PIK3CB: variants seen among roughly 807,000 people sequenced by gnomAD.
PIK3CB encodes phosphatidylinositol-4,5-bisphosphate 3-kinase catalytic subunit beta, also known as phosphatidylinositol 4,5-bisphosphate 3-kinase catalytic subunit beta isoform.
PIK3CB carries 39 observed loss-of-function variants against 136.8 expected under a neutral mutation model. That is an observed-to-expected ratio of 0.29 (90% CI 0.22 to 0.37). The LOEUF (loss-of-function observed/expected upper bound fraction) is 0.37, where lower values mean the gene tolerates loss of function less well. Ranked by LOEUF, PIK3CB falls within the 10% of genes least tolerant of loss-of-function variation. The pLI, the probability that PIK3CB is intolerant of heterozygous loss-of-function variation, is 1.00. For missense variants in PIK3CB, 868 were observed against 1,275.4 expected (o/e 0.68, Z 4.87); for synonymous variants, 428 against 436.6 (o/e 0.98, Z 0.25).
At chr3:138,738,219 T>C (rs9832012) in intron 5 of PIK3CB, among the ~76,000 whole-genome samples, 74,088 of 151,742 alleles carry the variant, frequency 0.49, 20,614 homozygotes, top group East Asian at 0.98. Flanking sequence ...TCCCCCAGGC[T>C]GGAGCGCAAT....
At chr3:138,793,856 A>C (rs1429794235) in intron 2 of PIK3CB, among the ~76,000 whole-genome samples, 1 of 152,140 alleles carries the variant, frequency 6.6e-6, no homozygotes, top group African/African-American at 2.4e-5. Context: ...ACCATCTCTT[A>C]AAAAAATTTC....
intron 9 of PIK3CB, among the ~76,000 whole-genome samples, chr3:138,714,150 A>G (rs978588327): frequency 6.6e-6 from 1 of 152,162 alleles, no homozygotes; most frequent in African/African-American, 2.4e-5. Flanking sequence ...AGAACTGTAA[A>G]TTTTTCAAAC....
chr3:138,653,056 CAG>C lies in PIK3CB; in HGVS notation c.*2331_*2332del, dbSNP rs1446261605. 1 of 199,862 alleles carries C rather than the reference CAG, an allele frequency of 5.0e-6. No individual in the cohort carries two copies. Among genetic ancestry groups the C allele is most frequent in the African/African-American group, 2.3e-5 (1 of 43,544 alleles). 12.4% of individuals were successfully genotyped at this position (199,862 alleles called of 1,614,324 possible). ...ACAAACGATGCATAATATGTAAACA[CAG>C]AATACTATAAATCATTGCGGATATA... On this transcript the variant is annotated 3_prime_UTR_variant, in exon 24 of 24. Transcript: ENST00000674063.
rs953710914 is a variant in PIK3CB, at chr3:138,657,932, C to T, written c.2797-97G>A. 8 of 1,139,650 alleles carry T rather than the reference C, an allele frequency of 7.0e-6. 1 individual carries two copies. The Middle Eastern group carries it at 7.0e-4, about 100-fold the overall frequency. 70.6% of individuals were successfully genotyped at this position (1,139,650 alleles called of 1,614,324 possible). The stretch of plus-strand genomic sequence containing the variant: ...AGTCCTAGACCCCCAGGAACTATAC[C>T]CATCCACATCTGAGCCCTTCTCCCT... On this transcript the variant is annotated intron_variant, in intron 21 of 23. Transcript: ENST00000674063.
intron 8 of PIK3CB, among the ~76,000 whole-genome samples, chr3:138,719,675 CAATT>C (rs747674422): frequency 6.6e-6 from 1 of 152,064 alleles, no homozygotes; most frequent in Non-Finnish European, 1.5e-5. Context: ...AACCATACAA[CAATT>C]ATTTTCTCCT....
intron 2 of PIK3CB, chr3:138,777,980 C>T (rs184253788): frequency 9.5e-5 from 37 of 389,478 alleles, no homozygotes; most frequent in African/African-American, 7.1e-4. Context: ...TGATTCTACC[C>T]ATGGCAAATT....
At chr3:138,676,349 AC>A (rs1422551915) in intron 19 of PIK3CB, among the ~76,000 whole-genome samples, 1 of 152,190 alleles carries the variant, frequency 6.6e-6, no homozygotes, top group Non-Finnish European at 1.5e-5. Context: ...AGAAATTGGA[AC>A]CTTTGTACAT....
At chr3:138,678,540 C>T (rs538042232) in intron 19 of PIK3CB, among the ~76,000 whole-genome samples, 1 of 151,762 alleles carries the variant, frequency 6.6e-6, no homozygotes, top group Admixed American at 6.5e-5. Flanking sequence ...ATATAGTAAT[C>T]ACAATAAACA....
chr3:138,712,268 CA>C lies in PIK3CB; in HGVS notation c.1338del (p.Phe446LeufsTer7). The C allele has an allele frequency of 6.3e-7, 1 of 1,583,780 alleles. No homozygotes were observed. The highest frequency in any genetic ancestry group is 1.8e-5 in the Admixed American group (1 of 56,890). ...CCAGTTCTCAATTGTCCTTTAAAGTCAAAAACCATCGTATTTACCCACGCTA... is the reference window on the plus strand; with the variant it reads ...CCAGTTCTCAATTGTCCTTTAAAGTCAAAACCATCGTATTTACCCACGCTA... ...YPVAWVNTMVFDFKGQLRTGD... is the reference protein window; with the variant it reads ...YPVAWVNTMVXDFKGQLRTGD... On this transcript the variant is annotated frameshift_variant, in exon 10 of 24. Transcript: ENST00000674063. LOFTEE classifies it high-confidence loss of function.
At chr3:138,816,132 A>G (rs1177960765) in intron 1 of PIK3CB, among the ~76,000 whole-genome samples, 1 of 151,050 alleles carries the variant, frequency 6.6e-6, no homozygotes, top group African/African-American at 2.4e-5. Context: ...CGAAACCTCT[A>G]TCTCTACAAA....
At chr3:138,764,138 G>T (rs1482123600) in intron 2 of PIK3CB, among the ~76,000 whole-genome samples, 2 of 149,700 alleles carry the variant, frequency 1.3e-5, no homozygotes, top group East Asian at 4.0e-4. Context: ...AATTCTTGAT[G>T]AAATGATTAT....
intron 4 of PIK3CB, among the ~76,000 whole-genome samples, chr3:138,745,176 G>A (rs1419551965): frequency 6.6e-6 from 1 of 152,160 alleles, no homozygotes; most frequent in Non-Finnish European, 1.5e-5. Context: ...AGTACCATGA[G>A]TAATGAGCCT....
intron 19 of PIK3CB, among the ~76,000 whole-genome samples, chr3:138,673,435 G>A (rs1031477482): frequency 1.9e-4 from 29 of 152,028 alleles, no homozygotes; most frequent in Admixed American, 3.9e-4. Context: ...ACAAAGAACC[G>A]ATAACCAGAC....
intron 2 of PIK3CB, among the ~76,000 whole-genome samples, chr3:138,773,891 C>A (rs1576405579): frequency 6.6e-6 from 1 of 152,192 alleles, no homozygotes; most frequent in East Asian, 1.9e-4. Context: ...TGGGAACTAT[C>A]ATTAAGTGTT....
Position 138,686,095 on chromosome 3 carries a change from C to A in PIK3CB, c.2137-1292G>T, listed in dbSNP as rs575381155. ...GAGGCTGCAGTGAGCCAAGATCGTA[C>A]CACTACACTCTCCAGCCTGGGCAAC... On this transcript the variant is annotated intron_variant, in intron 16 of 23. Coordinates refer to ENST00000674063, the MANE Select transcript of PIK3CB (RefSeq NM_006219.3). Among the ~76,000 whole-genome samples, 3 of 152,070 alleles carry A rather than the reference C, an allele frequency of 2.0e-5. No homozygotes were observed. In the South Asian group the frequency reaches 6.2e-4, roughly 32 times the overall value.
rs938868922 is a variant in PIK3CB at position 138,654,966 on chromosome 3, T to A, written c.*423A>T. 1.8e-5 allele frequency: 4 copies of A among 225,196 alleles called. No homozygotes were observed. The highest frequency in any genetic ancestry group is 2.2e-5 in the African/African-American group (1 of 44,914). The allele number at this position is 225,196 out of a possible 1,614,324, so 13.9% of individuals were successfully genotyped here. A position where few individuals can be genotyped will look rare whatever the true frequency, so the allele number is the denominator to read the frequency against. On this transcript the variant is annotated 3_prime_UTR_variant, in exon 24 of 24. Transcript: ENST00000674063. ...AAGAAAGATGCCTTTCTTTTTAGCTTCATTTGGACAGTAAGAACAGCCACC... is the reference window on the plus strand; with the variant it reads ...AAGAAAGATGCCTTTCTTTTTAGCTACATTTGGACAGTAAGAACAGCCACC...
intron 12 of PIK3CB, 24 bp from the exon 13 acceptor site, chr3:138,699,119 T>C (rs773105443): frequency 5.2e-6 from 7 of 1,354,524 alleles, no homozygotes; most frequent in African/African-American, 1.4e-5. Flanking sequence ...ATGCTCATTA[T>C]AGAATTTAAT....
At chr3:138,689,298 G>T in intron 15 of PIK3CB, among the ~76,000 whole-genome samples, 1 of 152,162 alleles carries the variant, frequency 6.6e-6, no homozygotes, top group East Asian at 1.9e-4. Flanking sequence ...CACAAAAAAT[G>T]AGTCCTGGAC....
Position 138,755,627 on chromosome 3 carries a change from A to G in PIK3CB, c.397+127T>C, listed in dbSNP as rs190065241. The G allele has an allele frequency of 7.6e-5, 40 of 525,680 alleles. No individual in the cohort carries two copies. The East Asian group carries it at 1.2e-3, about 15-fold the overall frequency. The allele number at this position is 525,680 out of a possible 1,614,324, so 32.6% of individuals were successfully genotyped here. On this transcript the variant is annotated intron_variant, in intron 4 of 23. Transcript: ENST00000674063. ...ATACTTACCTTATCTCAAACTGGCA[A>G]CAATTTACAGATCAGCAGTGGTCCA...
Sources: gnomAD v4.1 joint callset for allele counts (sites outside exome capture counted in the v4.1 genomes callset) on GRCh38, gnomAD v4.1.1 for gene constraint, MANE v1.5 for transcripts, NCBI Gene and HGNC (gene_info 2026-07-23, HGNC 2026-07-21) for gene names.